GRIN3A: variants seen among roughly 807,000 people sequenced by gnomAD.
GRIN3A encodes the protein glutamate receptor ionotropic, NMDA 3A.
Under a neutral mutation model 92.4 loss-of-function variants are expected in GRIN3A, and 47 were observed. That is an observed-to-expected ratio of 0.51 (90% CI 0.40 to 0.65). GRIN3A has a LOEUF of 0.65. GRIN3A is among the 30% of genes least tolerant of loss of function. The probability of loss-of-function intolerance (pLI) is 0.00; values close to 1 mark genes in which losing one functional copy is unlikely to be tolerated. For missense variants in GRIN3A, 1,324 were observed against 1,393.1 expected (o/e 0.95, Z 0.79); for synonymous variants, 527 against 540.6 (o/e 0.97, Z 0.35).
At chr9:101,673,948 C>G (rs1829361028) in intron 2 of GRIN3A, among the ~76,000 whole-genome samples, 1 of 152,022 alleles carries the variant, frequency 6.6e-6, no homozygotes, top group African/African-American at 2.4e-5. Context: ...AGCAAGAGCA[C>G]CTGCACATTC....
At chr9:101,703,180 G>A (rs1829775442) in intron 1 of GRIN3A, among the ~76,000 whole-genome samples, 1 of 152,090 alleles carries the variant, frequency 6.6e-6, no homozygotes, top group African/African-American at 2.4e-5. Flanking sequence ...CTTCCTCATT[G>A]CAACTAAAGC....
rs539120709 is a variant in GRIN3A, at chr9:101,656,232, G to C, written c.2352+13828C>G. The stretch of plus-strand genomic sequence containing the variant: ...AAGGTAGCATAGATCAGTTTAGCAG[G>C]GGGTGGGAGAATTCTGGGTGAACAA... On this transcript the variant is annotated intron_variant, in intron 3 of 8. Coordinates refer to ENST00000361820, the MANE Select transcript of GRIN3A (RefSeq NM_133445.3). Among the ~76,000 whole-genome samples the C allele has an allele frequency of 9.9e-5, 15 of 152,022 alleles. No homozygotes were observed. In the South Asian group the frequency reaches 3.1e-3, roughly 31 times the overall value.
rs1016797955 is a variant in GRIN3A, at chr9:101,729,201, C to T, written c.699+8080G>A. Among the ~76,000 whole-genome samples, 4 of 152,142 alleles carry T rather than the reference C, an allele frequency of 2.6e-5. No individual in the cohort carries two copies. In the South Asian group the frequency reaches 8.3e-4, roughly 32 times the overall value. On this transcript the variant is annotated intron_variant, in intron 1 of 8. Transcript: ENST00000361820. ...TCCCTTTCTATCTTTTTGTCACCTCCTCCCTGCATAAGTCTGTGTGGGCAA... is the reference window on the plus strand; with the variant it reads ...TCCCTTTCTATCTTTTTGTCACCTCTTCCCTGCATAAGTCTGTGTGGGCAA...
Position 101,573,367 on chromosome 9 carries a change from C to T in GRIN3A, c.3155G>A (p.Arg1052Lys), listed in dbSNP as rs769450239. The change falls in exon 9 of 9, where the codon AGA (arginine) becomes AAA (lysine). Residue 1052 changes from arginine (R) to lysine (K), a missense_variant. Arg to Lys is a conservative substitution (Grantham distance 26). Transcript: ENST00000361820. ...IHQDIPLPPR[R>K]RELPALRTTN... is the part of the protein sequence containing the mutation. ...GGTCCGCAAGGCAGGGAGCTCTCTT[C>T]TCCTTGGAGGGAGGGGGATGTCCTG... 3.1e-6 allele frequency: 5 copies of T among 1,614,064 alleles called. No individual in the cohort carries two copies. Among genetic ancestry groups the T allele is most frequent in the Non-Finnish European group, 4.2e-6 (5 of 1,179,996 alleles).
rs755606377 is a variant in GRIN3A at position 101,737,406 on chromosome 9, C to T, written c.574G>A (p.Gly192Arg). ...GGGAAGGCGAGCAGCGCCGACACCCCTTGCACCACCACGGTATGGCACACA... is the reference window on the plus strand; with the variant it reads ...GGGAAGGCGAGCAGCGCCGACACCCTTTGCACCACCACGGTATGGCACACA... Reference protein sequence around the residue: ...QSVCHTVVVQGVSALLAFPQS... With the variant: ...QSVCHTVVVQRVSALLAFPQS... The change falls in exon 1 of 9, where the codon GGG becomes AGG. Residue 192 changes from glycine to arginine, a missense_variant. Physicochemically the swap from Gly to Arg is moderately radical, Grantham distance 125. Transcript: ENST00000361820. 3.1e-6 allele frequency: 5 copies of T among 1,614,256 alleles called. No individual in the cohort carries two copies. In the South Asian group the frequency reaches 5.5e-5, roughly 18 times the overall value.
At chr9:101,710,515 C>G (rs1196931226) in intron 1 of GRIN3A, among the ~76,000 whole-genome samples, 3 of 152,152 alleles carry the variant, frequency 2.0e-5, no homozygotes, top group Admixed American at 1.3e-4. Context: ...GAGATCTCCT[C>G]TAGTTTAGAG....
At chr9:101,700,232 T>A (rs188725961) in intron 1 of GRIN3A, among the ~76,000 whole-genome samples, 66 of 152,260 alleles carry the variant, frequency 4.3e-4, no homozygotes, top group African/African-American at 1.5e-3. Flanking sequence ...AATGAATAAA[T>A]GGGTAAATGG....
intron 1 of GRIN3A, among the ~76,000 whole-genome samples, chr9:101,727,403 A>T (rs1225855867): frequency 6.6e-6 from 1 of 152,228 alleles, no homozygotes; most frequent in Non-Finnish European, 1.5e-5. Context: ...AGAATTATCC[A>T]CAAAGAGCAT....
chr9:101,718,623 T>C (rs182792365), intron 1 of GRIN3A, among the ~76,000 whole-genome samples: 78 of 152,332 alleles, frequency 5.1e-4, no homozygotes, highest in African/African-American at 1.8e-3. Context: ...GAGATGATTT[T>C]AGGTTGTTCA....
At chr9:101,632,330 CTAGA>C (rs1828725955) in intron 3 of GRIN3A, among the ~76,000 whole-genome samples, 1 of 152,122 alleles carries the variant, frequency 6.6e-6, no homozygotes, top group African/African-American at 2.4e-5. Flanking sequence ...GCCTTCCCTG[CTAGA>C]TTGTAAGTTT....
intron 8 of GRIN3A, 75 bp downstream of exon 8, chr9:101,577,693 C>A: frequency 1.8e-6 from 2 of 1,097,272 alleles, no homozygotes; most frequent in South Asian, 1.2e-5. Context: ...CTGATTTGAT[C>A]TGAATAATTA....
rs371775765 is a variant in GRIN3A at position 101,719,983 on chromosome 9, A to C, written c.699+17298T>G. On this transcript the variant is annotated intron_variant, in intron 1 of 8. Coordinates refer to ENST00000361820, the MANE Select transcript of GRIN3A (RefSeq NM_133445.3). ...TCAGGCCTAAGGTGAACAGCCGAGC[A>C]CCCTGGGTTCTTCTCCCTGACCATG... Among the ~76,000 whole-genome samples the C allele has an allele frequency of 1.6e-3, 244 of 152,118 alleles. 1 individual carries two copies. Among genetic ancestry groups the C allele is most frequent in the African/African-American group, 3.8e-3 (158 of 41,516 alleles).
At chr9:101,592,431 C>T (rs1218340636) in intron 6 of GRIN3A, 1 of 152,094 alleles carries the variant, frequency 6.6e-6, no homozygotes, top group African/African-American at 2.4e-5. Context: ...CTCAAAATAA[C>T]CCTGGGGTGG....
In GRIN3A at chr9:101,682,516, T is replaced by G. The variant is rs74735880; in HGVS notation, c.1304+4080A>C. On this transcript the variant is annotated intron_variant, in intron 2 of 8. Coordinates refer to ENST00000361820, the MANE Select transcript of GRIN3A (RefSeq NM_133445.3). ...ACCATTTACTTACATTTCGACCTCATTCACTAGACTGTCAGCTCCTAAATG... is the reference window on the plus strand; with the variant it reads ...ACCATTTACTTACATTTCGACCTCAGTCACTAGACTGTCAGCTCCTAAATG... Among the ~76,000 whole-genome samples the G allele has an allele frequency of 6.3e-3, 967 of 152,340 alleles. 6 individuals are homozygous for G. The highest frequency in any genetic ancestry group is 0.023 in the African/African-American group (937 of 41,556).
intron 1 of GRIN3A, among the ~76,000 whole-genome samples, chr9:101,696,946 T>C (rs1029570755): frequency 6.6e-6 from 1 of 152,196 alleles, no homozygotes; most frequent in African/African-American, 2.4e-5. Flanking sequence ...TATAAGGATG[T>C]TTTGTATGTC....
At chr9:101,580,023 G>A (rs765598971) in intron 6 of GRIN3A, among the ~76,000 whole-genome samples, 8 of 152,128 alleles carry the variant, frequency 5.3e-5, no homozygotes, top group Non-Finnish European at 7.4e-5. Context: ...CCACCCTCGG[G>A]TCATGCTAAC....
chr9:101,696,129 G>A (rs1588287299), intron 1 of GRIN3A, among the ~76,000 whole-genome samples: 2 of 152,324 alleles, frequency 1.3e-5, no homozygotes, highest in African/African-American at 4.8e-5. Context: ...GTAAGGACCG[G>A]ATTAGAGATC....
chr9:101,666,382 T>TAACA lies in GRIN3A; in HGVS notation c.2352+3674_2352+3677dup, dbSNP rs554386383. On this transcript the variant is annotated intron_variant, in intron 3 of 8. Transcript: ENST00000361820. The stretch of plus-strand genomic sequence containing the variant: ...CTGGAGGCCATTACTCTTAGCAAAC[T>TAACA]AACACAGGAAGGGAAAACCAAATAC... Among the ~76,000 whole-genome samples, 37 of 152,082 alleles carry TAACA rather than the reference T, an allele frequency of 2.4e-4. No homozygotes were observed. In the South Asian group the frequency reaches 7.7e-3, roughly 31 times the overall value.
intron 3 of GRIN3A, among the ~76,000 whole-genome samples, chr9:101,668,084 C>T (rs2025334): frequency 0.34 from 50,867 of 151,828 alleles, 9,428 homozygotes; most frequent in Non-Finnish European, 0.42. Context: ...TGTTGTGGAC[C>T]GGGTTAGACT....
Sources: gnomAD v4.1 joint callset for allele counts (sites outside exome capture counted in the v4.1 genomes callset) on GRCh38, gnomAD v4.1.1 for gene constraint, MANE v1.5 for transcripts, NCBI Gene and HGNC (gene_info 2026-07-23, HGNC 2026-07-21) for gene names.